Variants in SASH1 observed in about 807,000 individuals in gnomAD.
SASH1 encodes SAM and SH3 domain containing 1, also known as SAM and SH3 domain-containing protein 1.
Under a neutral mutation model 125.2 loss-of-function variants are expected in SASH1, and 44 were observed. The ratio of observed to expected loss-of-function variants is 0.35; its 90% CI spans 0.28 to 0.45. The LOEUF (loss-of-function observed/expected upper bound fraction) is 0.45. Ranked by LOEUF, SASH1 falls within the 20% of genes least tolerant of loss-of-function variation. SASH1 has a pLI of 1.00. For synonymous variants in SASH1, 639 were observed against 649.1 expected, an observed-to-expected ratio of 0.98 and a Z score of 0.24; for missense variants, 1,426 against 1,614.5, an observed-to-expected ratio of 0.88 and a Z score of 2.00.
intron 4 of SASH1, among the ~76,000 whole-genome samples, chr6:148,462,931 G>A (rs1042839486): frequency 6.6e-5 from 10 of 152,206 alleles, no homozygotes; most frequent in African/African-American, 2.4e-4. Flanking sequence ...TCCCATCTCA[G>A]TGACAGTCCT....
chr6:148,507,358 T>TTTGTTGTTGTTGTTGTTGTTG (rs140530862), intron 8 of SASH1, among the ~76,000 whole-genome samples: 79 of 150,512 alleles, frequency 5.2e-4, no homozygotes, highest in Middle Eastern at 3.4e-3. Context: ...CCAATTCCCT[T>TTTGTTGTTGTTGTTGTTGTTG]TTGTTGTTGT....
intron 8 of SASH1, among the ~76,000 whole-genome samples, chr6:148,492,724 G>A (rs1459811040): frequency 6.6e-6 from 1 of 152,080 alleles, no homozygotes; most frequent in Non-Finnish European, 1.5e-5. Flanking sequence ...GGGAGGCTGA[G>A]GCAAGGAAAT....
At chr6:148,326,371 T>TATAC (rs1554235361) in intron 1 of SASH1, among the ~76,000 whole-genome samples, 1 of 74,494 alleles carries the variant, frequency 1.3e-5, no homozygotes, top group African/African-American at 4.4e-5. Flanking sequence ...TATATATATA[T>TATAC]ATACATTCTT....
intron 1 of SASH1, among the ~76,000 whole-genome samples, chr6:148,381,240 C>T (rs1224776884): frequency 6.6e-6 from 1 of 152,108 alleles, no homozygotes; most frequent in Admixed American, 6.5e-5. Context: ...CAGATTTCTT[C>T]CCAGTAGGTA....
At chr6:148,218,173 A>G in the SASH1 span, among the ~76,000 whole-genome samples, 1 of 152,110 alleles carries the variant, frequency 6.6e-6, no homozygotes. Flanking sequence ...CTTAAAAGTC[A>G]AGCACTTTTG....
rs748263054 is a variant in SASH1 at position 148,532,358 on chromosome 6, G to A, written c.1565-439G>A. Among the ~76,000 whole-genome samples the A allele has an allele frequency of 9.8e-5, 15 of 152,298 alleles. No homozygotes were observed. Among genetic ancestry groups the A allele is most frequent in the African/African-American group, 3.4e-4 (14 of 41,564 alleles). The stretch of plus-strand genomic sequence containing the variant: ...GCTGGGATTATAGGCGTGAGCCACC[G>A]TGCCCCGAGATCAAGTTTAAACCTA... On this transcript the variant is annotated intron_variant, in intron 13 of 19. Transcript: ENST00000367467. The surrounding 1 kb of genome is among the most constrained non-coding windows in gnomAD (Gnocchi z 4.7).
chr6:148,349,585 A>G (rs1781649024), intron 1 of SASH1, among the ~76,000 whole-genome samples: 1 of 152,088 alleles, frequency 6.6e-6, no homozygotes, highest in Non-Finnish European at 1.5e-5. Context: ...TAACTTTTGT[A>G]GGCGATGGGG....
chr6:148,326,374 A>ATATGCATATATATATATATATATG (rs1384320272), intron 1 of SASH1, among the ~76,000 whole-genome samples: 1 of 42,724 alleles, frequency 2.3e-5, no homozygotes, highest in African/African-American at 7.4e-5. Context: ...ATATATATAT[A>ATATGCATATATATATATATATATG]CATTCTTTTC....
chr6:148,296,512 T>C (rs1400189201), intron 1 of SASH1, among the ~76,000 whole-genome samples: 1 of 152,234 alleles, frequency 6.6e-6, no homozygotes, highest in African/African-American at 2.4e-5. Context: ...TTCCTGGAGA[T>C]AACTACAACA....
intron 2 of SASH1, among the ~76,000 whole-genome samples, chr6:148,431,880 G>A (rs186613001): frequency 6.6e-6 from 1 of 152,114 alleles, no homozygotes; most frequent in East Asian, 1.9e-4. Flanking sequence ...TTTAAAAGGT[G>A]AGAAATAACC....
the SASH1 span, among the ~76,000 whole-genome samples, chr6:148,228,936 G>A: frequency 4.6e-5 from 7 of 152,094 alleles, no homozygotes; most frequent in South Asian, 8.3e-4. Context: ...AAGAGTTCAA[G>A]ACCAGCCTGG....
chr6:148,524,100 TA>T (rs201820516), intron 10 of SASH1, among the ~76,000 whole-genome samples: 18,242 of 92,208 alleles, frequency 0.2, 1,385 homozygotes, highest in Middle Eastern at 0.38. Context: ...CAGTTAATTA[TA>T]TATATATATA....
In SASH1 at chr6:148,532,237, C is replaced by T. The variant is rs534201741; in HGVS notation, c.1565-560C>T. Among the ~76,000 whole-genome samples the T allele has an allele frequency of 3.3e-5, 5 of 152,130 alleles. No homozygotes were observed. The highest frequency in any genetic ancestry group is 4.4e-5 in the Non-Finnish European group (3 of 68,008). ...TACTACAGGGTCATGCCACCACACC[C>T]GGCTAATTTTGTTGTAGAGACGGGG... On this transcript the variant is annotated intron_variant, in intron 13 of 19. Transcript: ENST00000367467. The surrounding 1 kb of genome is among the most constrained non-coding windows in gnomAD (Gnocchi z 4.7).
the SASH1 span, among the ~76,000 whole-genome samples, chr6:148,197,032 G>C: frequency 5.3e-5 from 8 of 152,340 alleles, no homozygotes; most frequent in Middle Eastern, 3.4e-3. Flanking sequence ...GCAGATCCTG[G>C]AGAGTCTTGA....
chr6:148,418,396 T>A (rs1364166356), intron 2 of SASH1, among the ~76,000 whole-genome samples: 1 of 152,210 alleles, frequency 6.6e-6, no homozygotes, highest in Non-Finnish European at 1.5e-5. Context: ...TATATAGCAC[T>A]TAACATGGTT....
intron 4 of SASH1, among the ~76,000 whole-genome samples, chr6:148,455,425 G>A (rs1432948349): frequency 6.6e-6 from 1 of 152,170 alleles, no homozygotes; most frequent in South Asian, 2.1e-4. Context: ...CGGTGACCTT[G>A]GAAAGCTTCC....
intron 1 of SASH1, among the ~76,000 whole-genome samples, chr6:148,311,116 T>C (rs962503509): frequency 3.3e-5 from 5 of 151,748 alleles, no homozygotes; most frequent in Admixed American, 1.3e-4. Context: ...CTTTCTTTTT[T>C]TTCCCCCCAA....
chr6:148,521,531 T>G (rs961822081), intron 10 of SASH1, among the ~76,000 whole-genome samples: 1 of 152,240 alleles, frequency 6.6e-6, no homozygotes, highest in African/African-American at 2.4e-5. Context: ...TATTTCCACA[T>G]GTTGACTTTC....
intron 1 of SASH1, among the ~76,000 whole-genome samples, chr6:148,352,463 G>A (rs900712493): frequency 6.6e-6 from 1 of 151,888 alleles, no homozygotes; most frequent in Non-Finnish European, 1.5e-5. Context: ...CAGGCATAGT[G>A]GCAGGCGCCT....
Sources: gnomAD v4.1 joint callset for allele counts (sites outside exome capture counted in the v4.1 genomes callset) on GRCh38, gnomAD v4.1.1 for gene constraint, Gnocchi (gnomAD v3.1) non-coding constraint, MANE v1.5 for transcripts, NCBI Gene and HGNC (gene_info 2026-07-23, HGNC 2026-07-21) for gene names.